LUC7L2: variants seen among roughly 807,000 people sequenced by gnomAD.
LUC7L2 encodes putative RNA-binding protein Luc7-like 2.
A neutral mutation model predicts 52.8 loss-of-function variants in LUC7L2; 25 were observed. The observed-to-expected ratio is 0.47, with a 90% confidence interval of 0.34 to 0.66. The LOEUF (loss-of-function observed/expected upper bound fraction) is 0.66, where lower values mean the gene tolerates loss of function less well. LUC7L2 is among the 30% of genes least tolerant of loss of function. The pLI, the probability that LUC7L2 is intolerant of heterozygous loss-of-function variation, is 0.01. For synonymous variants in LUC7L2, 144 were observed against 160.9 expected (o/e 0.89, Z 0.80); for missense variants, 328 against 497.8 (o/e 0.66, Z 3.25).
chr7:139,386,194 G>C (rs529625286), intron 2 of LUC7L2, among the ~76,000 whole-genome samples: 1 of 151,670 alleles, frequency 6.6e-6, no homozygotes. Context: ...GTAGAGATGG[G>C]GTTTCACCAT....
rs1208760744 is a variant in LUC7L2 at position 139,375,077 on chromosome 7, AG to A, written c.62-982del. The stretch of plus-strand genomic sequence containing the variant: ...CTAAAATAAAACACCTACATTTCTT[AG>A]GGCTTATCATTCTATATAGAAAGAG... On this transcript the variant is annotated intron_variant, in intron 1 of 9. Coordinates refer to ENST00000354926, the MANE Select transcript of LUC7L2 (RefSeq NM_016019.5). 4 of 983,734 alleles carry A rather than the reference AG, an allele frequency of 4.1e-6. No individual in the cohort carries two copies. In the African/African-American group the frequency reaches 5.2e-5, roughly 13 times the overall value. 60.9% of individuals were successfully genotyped at this position (983,734 alleles called of 1,614,324 possible).
At chr7:139,350,533 AAAACTGC>A (rs1223716848) in intron 1 of LUC7L2, among the ~76,000 whole-genome samples, 1 of 151,960 alleles carries the variant, frequency 6.6e-6, no homozygotes, top group Non-Finnish European at 1.5e-5. Context: ...TACTACCACC[AAAACTGC>A]AACCCAGAGG....
rs779013466 is a variant in LUC7L2 at position 139,407,000 on chromosome 7, G to GTTTTTTTTTTTTTTT, written c.511-174_511-173insTTTTTTTTTTTTTTT. On this transcript the variant is annotated intron_variant, in intron 5 of 9. Transcript: ENST00000354926. ...CATAACAAAATAGCCATGCTTTTGT[G>GTTTTTTTTTTTTTTT]GTTTTTTTTTTTTTTTTTTTTTGAG... Among the ~76,000 whole-genome samples the GTTTTTTTTTTTTTTT allele has an allele frequency of 4.5e-5, 5 of 111,612 alleles. 1 individual carries two copies. The highest frequency in any genetic ancestry group is 1.5e-4 in the African/African-American group (4 of 26,604). The allele number at this position is 111,612 out of a possible 152,430, so 73.2% of individuals were successfully genotyped here. A position where few individuals can be genotyped will look rare whatever the true frequency, so the allele number is the denominator to read the frequency against.
chr7:139,409,723 TA>T, intron 7 of LUC7L2, 69 bp downstream of exon 7: 1 of 1,461,592 alleles, frequency 6.8e-7, no homozygotes, highest in Non-Finnish European at 9.0e-7. Flanking sequence ...TAATTGATTT[TA>T]AATTTTAGAT....
In LUC7L2 at chr7:139,421,210, A is replaced by G. The variant is rs1180361359; in HGVS notation, c.1002-953A>G. Among the ~76,000 whole-genome samples the G allele has an allele frequency of 1.1e-4, 16 of 152,228 alleles. No individual in the cohort carries two copies. In the East Asian group the frequency reaches 3.1e-3, roughly 29 times the overall value. On this transcript the variant is annotated intron_variant, in intron 9 of 9. Transcript: ENST00000354926. The stretch of plus-strand genomic sequence containing the variant: ...TCCTTAACTATATTTCTAAAACTGA[A>G]CAGTCATATTTTTTATTTTCCTGAA...
At chr7:139,360,676 C>T (rs982283210) in intron 1 of LUC7L2, among the ~76,000 whole-genome samples, 1 of 152,088 alleles carries the variant, frequency 6.6e-6, no homozygotes, top group African/African-American at 2.4e-5. Flanking sequence ...AAAGCTAAGG[C>T]CTCCACCCCC....
At chr7:139,417,850 T>TAA in intron 9 of LUC7L2, 121 bp downstream of exon 9, 1 of 1,327,244 alleles carries the variant, frequency 7.5e-7, no homozygotes, top group Non-Finnish European at 1.0e-6. Flanking sequence ...CATCTGGTAA[T>TAA]ATGTACACAT....
chr7:139,352,718 T>TA (rs1799493485), intron 1 of LUC7L2, among the ~76,000 whole-genome samples: 1 of 152,190 alleles, frequency 6.6e-6, no homozygotes. Context: ...GGTTAAGTGT[T>TA]AGAGATACAA....
chr7:139,391,885 C>T (rs1272627862), intron 2 of LUC7L2, among the ~76,000 whole-genome samples: 1 of 152,112 alleles, frequency 6.6e-6, no homozygotes, highest in East Asian at 1.9e-4. Context: ...CCACGCCCGG[C>T]CTGGCTTCAT....
chr7:139,414,090 T>C (rs1795485133), intron 8 of LUC7L2, among the ~76,000 whole-genome samples: 2 of 152,214 alleles, frequency 1.3e-5, no homozygotes, highest in Admixed American at 6.5e-5. Flanking sequence ...CTAGATAATA[T>C]GTTTGCCTTG....
intron 1 of LUC7L2, chr7:139,375,050 G>A (rs1800636859): frequency 2.0e-6 from 2 of 983,630 alleles, no homozygotes; most frequent in Non-Finnish European, 2.4e-6. Flanking sequence ...ATCAGTTTAA[G>A]GCTAAAATAA....
chr7:139,408,639 C>T (rs576808558), intron 6 of LUC7L2, among the ~76,000 whole-genome samples: 73 of 151,902 alleles, frequency 4.8e-4, no homozygotes, highest in African/African-American at 1.7e-3. Flanking sequence ...GTCAGGAGTT[C>T]GAGACCAGTC....
At chr7:139,344,951 G>C (rs1163482436) in intron 1 of LUC7L2, 1 of 150,280 alleles carries the variant, frequency 6.7e-6, no homozygotes, top group Non-Finnish European at 1.5e-5. Context: ...CTGACCTTGT[G>C]ATCTGCCCGC....
intron 1 of LUC7L2, among the ~76,000 whole-genome samples, chr7:139,364,686 T>TC: frequency 6.6e-6 from 1 of 152,340 alleles, no homozygotes; most frequent in East Asian, 1.9e-4. Flanking sequence ...AGGTTAGTAG[T>TC]ACATAACCGT....
rs1206054628 is a variant in LUC7L2, at chr7:139,392,506, A to G, written c.157-6093A>G. On this transcript the variant is annotated intron_variant, in intron 2 of 9. Coordinates refer to ENST00000354926, the MANE Select transcript of LUC7L2 (RefSeq NM_016019.5). Reference sequence around the variant, plus strand: ...TAGTTATTTGGTCCACATTTCATGCAGTAATGGATTCAGAATGGAGAAGAC... The same window carrying G: ...TAGTTATTTGGTCCACATTTCATGCGGTAATGGATTCAGAATGGAGAAGAC... 3 of 337,086 alleles carry G rather than the reference A, an allele frequency of 8.9e-6. No homozygotes were observed. The East Asian group carries it at 3.1e-4, about 35-fold the overall frequency. The allele number at this position is 337,086 out of a possible 1,614,324, so 20.9% of individuals were successfully genotyped here.
intron 2 of LUC7L2, among the ~76,000 whole-genome samples, chr7:139,376,615 A>G (rs529234275): frequency 6.6e-6 from 1 of 152,336 alleles, no homozygotes; most frequent in South Asian, 2.1e-4. Flanking sequence ...TGTCACTTAA[A>G]ATATTGCTCC....
chr7:139,380,640 A>T (rs954969079), intron 2 of LUC7L2, among the ~76,000 whole-genome samples: 5 of 152,140 alleles, frequency 3.3e-5, no homozygotes, highest in African/African-American at 1.2e-4. Context: ...TTATTTTTCT[A>T]TTCTTCTAGA....
Position 139,407,198 on chromosome 7 carries a change from G to A in LUC7L2, c.535G>A (p.Ala179Thr). The change falls in exon 6 of 10, where the codon GCT becomes ACT. Residue 179 changes from alanine (A) to threonine (T), a missense_variant. Physicochemically the swap from Ala to Thr is moderately conservative, Grantham distance 58. This residue lies in a region of LUC7L2 where 133 missense variants were observed against 274.4 expected (regional missense o/e 0.48). Transcript: ENST00000354926. ...GGAAGTTTATCGGAATTCTATGCCAGCTTCCAGTTTTCAGCAGCAGAAACT... is the reference window on the plus strand; with the variant it reads ...GGAAGTTTATCGGAATTCTATGCCAACTTCCAGTTTTCAGCAGCAGAAACT... Reference protein sequence around the residue: ...AEEVYRNSMPASSFQQQKLRV... With the variant: ...AEEVYRNSMPTSSFQQQKLRV... 6.2e-7 allele frequency: 1 copy of A among 1,610,078 alleles called. No individual in the cohort carries two copies. Among genetic ancestry groups the A allele is most frequent in the Non-Finnish European group, 8.5e-7 (1 of 1,177,838 alleles).
intron 1 of LUC7L2, 61 bp downstream of exon 1, chr7:139,360,383 T>A: frequency 6.7e-7 from 1 of 1,496,794 alleles, no homozygotes; most frequent in Non-Finnish European, 9.0e-7. Flanking sequence ...AGGGAAGGGG[T>A]TCCGAGGGCG....
Sources: gnomAD v4.1 joint callset for allele counts (sites outside exome capture counted in the v4.1 genomes callset) on GRCh38, gnomAD v4.1.1 for gene constraint, gnomAD v4.1.1 regional missense constraint, MANE v1.5 for transcripts, NCBI Gene and HGNC (gene_info 2026-07-23, HGNC 2026-07-21) for gene names.